TSPAN7: variants seen among roughly 807,000 people sequenced by gnomAD.
TSPAN7 encodes tetraspanin-7.
A neutral mutation model predicts 17.6 loss-of-function variants in TSPAN7; 1 was observed. That is an observed-to-expected ratio of 0.06 (90% CI 0.02 to 0.27). TSPAN7 has a LOEUF of 0.27. TSPAN7 is among the 10% of genes least tolerant of loss of function. The pLI, the probability that TSPAN7 is intolerant of heterozygous loss-of-function variation, is 1.00. For missense variants in TSPAN7, 112 were observed against 201.7 expected (o/e 0.56, Z 2.69); for synonymous variants, 78 against 79.0 (o/e 0.99, Z 0.07).
chrX:38,669,479 G>A (rs1569314851), intron 2 of TSPAN7, among the ~76,000 whole-genome samples: 1 of 111,513 alleles, frequency 9.0e-6, no homozygotes, highest in Non-Finnish European at 1.9e-5. Context: ...CAACTCCAAT[G>A]TTTACATTTG....
chrX:38,561,833 G>C (rs1044789402), intron 1 of TSPAN7, among the ~76,000 whole-genome samples: 2 of 111,450 alleles, frequency 1.8e-5, no homozygotes, highest in African/African-American at 6.5e-5. Context: ...CTCGCTCCGC[G>C]CAGGCTGCAA....
intron 1 of TSPAN7, among the ~76,000 whole-genome samples, chrX:38,631,682 G>A (rs1280671258): frequency 2.7e-5 from 3 of 111,645 alleles, no homozygotes; most frequent in African/African-American, 6.5e-5. Context: ...GATTTAGGTC[G>A]TTAGCCACTC....
chrX:38,606,545 G>A (rs1464000715), intron 1 of TSPAN7, among the ~76,000 whole-genome samples: 1 of 111,273 alleles, frequency 9.0e-6, no homozygotes, highest in Non-Finnish European at 1.9e-5. Context: ...GATAGTAGCT[G>A]ATGTAGTAAG....
At chrX:38,618,491 A>G (rs940625691) in intron 1 of TSPAN7, among the ~76,000 whole-genome samples, 2 of 111,837 alleles carry the variant, frequency 1.8e-5, no homozygotes, top group African/African-American at 6.5e-5. Context: ...GTCAGGGTGC[A>G]TGAGGCATAA....
At chrX:38,685,680 C>T (rs139727698) in intron 6 of TSPAN7, among the ~76,000 whole-genome samples, 1,612 of 111,663 alleles carry the variant, frequency 0.014, 19 homozygotes, top group African/African-American at 0.049. Flanking sequence ...AACAGTACAA[C>T]AAAAAATAAT....
At chrX:38,682,563 T>C (rs1044837193) in intron 6 of TSPAN7, among the ~76,000 whole-genome samples, 2 of 112,711 alleles carry the variant, frequency 1.8e-5, no homozygotes, top group Non-Finnish European at 3.8e-5. Context: ...TGAGACATTT[T>C]ATCTCACAAG....
At chrX:38,645,929 T>C (rs1436004061) in intron 1 of TSPAN7, among the ~76,000 whole-genome samples, 1 of 112,048 alleles carries the variant, frequency 8.9e-6, no homozygotes, top group Non-Finnish European at 1.9e-5. Context: ...ATTAGAGAAA[T>C]TATCTGTTTA....
intron 1 of TSPAN7, among the ~76,000 whole-genome samples, chrX:38,663,149 GTA>G (rs1394688430): frequency 5.3e-5 from 3 of 56,185 alleles, no homozygotes; most frequent in East Asian, 1.0e-3. Flanking sequence ...AAAATGTGGT[GTA>G]TACACACACA....
intron 5 of TSPAN7, among the ~76,000 whole-genome samples, chrX:38,680,897 A>G (rs952669957): frequency 6.3e-5 from 7 of 111,768 alleles, no homozygotes; most frequent in Non-Finnish European, 1.3e-4. Flanking sequence ...ACATTTGTCA[A>G]TGAAATTGTG....
chrX:38,598,750 T>C (rs1421597971), intron 1 of TSPAN7, among the ~76,000 whole-genome samples: 1 of 111,282 alleles, frequency 9.0e-6, no homozygotes, highest in Non-Finnish European at 1.9e-5. Flanking sequence ...CCAGTTCTAA[T>C]ATCACTAATC....
At chrX:38,676,008 G>T (rs998758580) in intron 5 of TSPAN7, 148 bp downstream of exon 5, 10 of 692,146 alleles carry the variant, frequency 1.4e-5, no homozygotes, top group African/African-American at 2.2e-5. Flanking sequence ...CCTGGGAGAG[G>T]CACTTGAGGC....
At chrX:38,657,356 C>G (rs773099022) in intron 1 of TSPAN7, among the ~76,000 whole-genome samples, 1 of 111,548 alleles carries the variant, frequency 9.0e-6, no homozygotes, top group South Asian at 3.8e-4. Context: ...AGATCTTTAC[C>G]GTGTTCAGAT....
intron 1 of TSPAN7, 80 bp downstream of exon 1, chrX:38,561,707 G>A (rs2069111782): frequency 1.1e-6 from 1 of 918,545 alleles, no homozygotes; most frequent in Admixed American, 2.4e-5. Flanking sequence ...GAAGTGGGGA[G>A]GAAAACCCAA....
intron 1 of TSPAN7, among the ~76,000 whole-genome samples, chrX:38,607,099 G>A (rs770425899): frequency 9.0e-6 from 1 of 111,652 alleles, no homozygotes; most frequent in East Asian, 2.8e-4. Flanking sequence ...TCTGCGCTTA[G>A]CTTGTTAGAT....
At chrX:38,577,941 C>T (rs1006899057) in intron 1 of TSPAN7, among the ~76,000 whole-genome samples, 49 of 110,268 alleles carry the variant, frequency 4.4e-4, no homozygotes, top group Non-Finnish European at 1.3e-4. Context: ...CTGTGTAGGC[C>T]CCTGGACAGC....
intron 1 of TSPAN7, chrX:38,608,257 G>C (rs901004843): frequency 3.6e-5 from 4 of 110,008 alleles, no homozygotes; most frequent in Non-Finnish European, 7.6e-5. Context: ...AGGCTTTCCG[G>C]TTTTTACCAG....
intron 1 of TSPAN7, among the ~76,000 whole-genome samples, chrX:38,595,545 A>G (rs762110898): frequency 6.2e-5 from 7 of 112,251 alleles, no homozygotes; most frequent in Admixed American, 9.5e-5. Context: ...ACAAGGTTAC[A>G]TTAGTGAGAA....
chrX:38,675,981 T>C (rs1176902768), intron 5 of TSPAN7, 121 bp downstream of exon 5: 1 of 910,757 alleles, frequency 1.1e-6, no homozygotes, highest in Non-Finnish European at 1.5e-6. Flanking sequence ...GAATCTTACT[T>C]TGTGGTTCCT....
Position 38,646,333 on chromosome X carries a change from G to A in TSPAN7, c.82-19788G>A, listed in dbSNP as rs1312376089. Reference sequence around the variant, plus strand: ...CTTTGGTAAGTAAATTTTGTTGCAGGGTTGGCTCCTACAAATATTAATGTG... The same window carrying A: ...CTTTGGTAAGTAAATTTTGTTGCAGAGTTGGCTCCTACAAATATTAATGTG... On this transcript the variant is annotated intron_variant, in intron 1 of 7. Coordinates refer to ENST00000378482, the MANE Select transcript of TSPAN7 (RefSeq NM_004615.4). The A allele has an allele frequency of 1.2e-5, 14 of 1,143,076 alleles. No individual in the cohort carries two copies. The Admixed American group carries it at 3.5e-4, about 28-fold the overall frequency. The allele number at this position is 1,143,076 out of a possible 1,213,427, so 94.2% of individuals were successfully genotyped here.
Sources: allele counts gnomAD v4.1 joint callset (sites outside exome capture counted in the v4.1 genomes callset), GRCh38; gene constraint gnomAD v4.1.1; transcripts MANE v1.5; gene names NCBI Gene and HGNC (gene_info 2026-07-23, HGNC 2026-07-21).